Variants in TULP4 observed in about 807,000 individuals in gnomAD.
The protein encoded by TULP4 is TUB like protein 4, also known as tubby-related protein 4.
A neutral mutation model predicts 129.0 loss-of-function variants in TULP4; 16 were observed. The observed-to-expected ratio is 0.12, with a 90% CI of 0.08 to 0.19. The LOEUF (loss-of-function observed/expected upper bound fraction) is 0.19. Among genes scored for constraint, TULP4 ranks in the 10% least tolerant of loss-of-function variants. The pLI, the probability that TULP4 is intolerant of heterozygous loss-of-function variation, is 1.00. For missense variants in TULP4, 1,842 were observed against 2,059.1 expected (o/e 0.89, Z 2.04); for synonymous variants, 998 against 854.0 (o/e 1.17, Z -2.94).
chr6:158,267,330 A>G (rs1778464001), intron 1 of TULP4, among the ~76,000 whole-genome samples: 1 of 152,236 alleles, frequency 6.6e-6, no homozygotes, highest in South Asian at 2.1e-4. Flanking sequence ...ATACTAGAAG[A>G]TGCAATTTTT....
At chr6:158,393,050 G>A (rs186898288) in intron 1 of TULP4, among the ~76,000 whole-genome samples, 1 of 151,780 alleles carries the variant, frequency 6.6e-6, no homozygotes, top group East Asian at 1.9e-4. Context: ...TACATTTATT[G>A]GGTAAATGCT....
chr6:158,449,261 A>G, intron 4 of TULP4, 85 bp downstream of exon 4: 2 of 1,396,928 alleles, frequency 1.4e-6, no homozygotes, highest in Non-Finnish European at 1.9e-6. Flanking sequence ...TGGAGGAGGG[A>G]GGGTGAAGGG....
At chr6:158,314,639 CAA>C (rs1779447210) in intron 1 of TULP4, among the ~76,000 whole-genome samples, 1 of 152,290 alleles carries the variant, frequency 6.6e-6, no homozygotes, top group African/African-American at 2.4e-5. Flanking sequence ...GTCTACATGG[CAA>C]AGAGTTACCC....
rs1394328232 is a variant in TULP4 at position 158,466,711 on chromosome 6, G to A, written c.1026+4982G>A. Among the ~76,000 whole-genome samples, 9 of 152,302 alleles carry A rather than the reference G, an allele frequency of 5.9e-5. 2 individuals carry two copies. The South Asian group carries it at 1.7e-3, about 28-fold the overall frequency. On this transcript the variant is annotated intron_variant, in intron 6 of 13. Transcript: ENST00000367097. ...CTCTGAGTGCTTGTGTTTCAGGGCTGAACAAGGAAGACATGATCCATATCT... is the reference window on the plus strand; with the variant it reads ...CTCTGAGTGCTTGTGTTTCAGGGCTAAACAAGGAAGACATGATCCATATCT...
Position 158,482,060 on chromosome 6 carries a change from C to T in TULP4, c.1486+771C>T, listed in dbSNP as rs76717723. Among the ~76,000 whole-genome samples the T allele has an allele frequency of 5.2e-3, 795 of 152,332 alleles. 11 individuals carry two copies. The highest frequency in any genetic ancestry group is 0.018 in the African/African-American group (757 of 41,574). ...GCACGCTTAGTCATTGTGCTCCAGA[C>T]GCTGCCCCGCTGAATCCTGTGGGCC... is the stretch of plus-strand genomic sequence containing the variant. On this transcript the variant is annotated intron_variant, in intron 8 of 13. Transcript: ENST00000367097.
intron 1 of TULP4, among the ~76,000 whole-genome samples, chr6:158,402,746 G>C (rs1777882646): frequency 6.6e-6 from 1 of 152,180 alleles, no homozygotes; most frequent in Admixed American, 6.5e-5. Context: ...AGTTTAGAAA[G>C]TATACAGTGT....
chr6:158,373,789 A>G (rs572831762), intron 1 of TULP4, among the ~76,000 whole-genome samples: 1 of 152,156 alleles, frequency 6.6e-6, no homozygotes, highest in South Asian at 2.1e-4. Context: ...CCATGTTAAT[A>G]TATTCAGCAA....
At chr6:158,433,452 C>G (rs577270634) in intron 3 of TULP4, among the ~76,000 whole-genome samples, 1 of 152,206 alleles carries the variant, frequency 6.6e-6, no homozygotes, top group Non-Finnish European at 1.5e-5. Context: ...CAGTGGCTCA[C>G]GCCTGTAATC....
intron 6 of TULP4, among the ~76,000 whole-genome samples, chr6:158,474,527 T>C (rs1779771247): frequency 6.6e-6 from 1 of 152,224 alleles, no homozygotes; most frequent in Non-Finnish European, 1.5e-5. Flanking sequence ...CAGCCAGGCC[T>C]CTGCTCAAAC....
intron 1 of TULP4, among the ~76,000 whole-genome samples, chr6:158,388,625 G>A (rs527785882): frequency 2.7e-5 from 4 of 147,010 alleles, no homozygotes; most frequent in East Asian, 2.0e-4. Flanking sequence ...CACCGTGCCC[G>A]GCCTAATAAT....
intron 1 of TULP4, among the ~76,000 whole-genome samples, chr6:158,374,476 G>A (rs1473649389): frequency 1.3e-5 from 2 of 152,186 alleles, no homozygotes; most frequent in East Asian, 3.8e-4. Context: ...TCTCTCATGG[G>A]CGCTCTGCCG....
intron 2 of TULP4, among the ~76,000 whole-genome samples, chr6:158,416,649 AACC>A (rs1298333730): frequency 1.3e-5 from 2 of 152,194 alleles, no homozygotes; most frequent in East Asian, 3.8e-4. Context: ...TTGAGGAAAG[AACC>A]ATTTTTTTAA....
At chr6:158,262,216 A>ACAC (rs1778366091) in intron 1 of TULP4, among the ~76,000 whole-genome samples, 1 of 152,144 alleles carries the variant, frequency 6.6e-6, no homozygotes, top group Non-Finnish European at 1.5e-5. Context: ...GCTGTCACAA[A>ACAC]CACCACACCA....
At chr6:158,386,301 G>C (rs1454187490) in intron 1 of TULP4, among the ~76,000 whole-genome samples, 2 of 151,914 alleles carry the variant, frequency 1.3e-5, no homozygotes, top group Non-Finnish European at 2.9e-5. Context: ...TTCTGAATTA[G>C]AATAATAAAT....
intron 12 of TULP4, 145 bp downstream of exon 12, chr6:158,498,957 T>G (rs961850897): frequency 1.0e-5 from 11 of 1,048,648 alleles, no homozygotes; most frequent in Non-Finnish European, 1.4e-5. Context: ...TTGGTAGATG[T>G]GATGTTGTGT....
At position 158,508,603 on chromosome 6, in the gene TULP4, ATAT is replaced by A. The variant is rs1229500597; in HGVS notation, c.*1910_*1912del. ...CAATGTTATCAGAATTAATTCTTTT[ATAT>A]GAGTTTATGTAGCTTGATATGGTGT... On this transcript the variant is annotated 3_prime_UTR_variant, in exon 14 of 14. Coordinates refer to ENST00000367097, the MANE Select transcript of TULP4 (RefSeq NM_020245.5). 1 of 152,616 alleles carries A rather than the reference ATAT, an allele frequency of 6.6e-6. No individual in the cohort carries two copies. The highest frequency in any genetic ancestry group is 1.5e-5 in the Non-Finnish European group (1 of 68,040). The allele number at this position is 152,616 out of a possible 1,614,324, so 9.5% of individuals were successfully genotyped here. A position where few individuals can be genotyped will look rare whatever the true frequency, so the allele number is the denominator to read the frequency against.
rs535513610 is a variant in TULP4, at chr6:158,498,878, G to C, written c.2014+66G>C. 5.8e-5 allele frequency: 91 copies of C among 1,582,150 alleles called. No individual in the cohort carries two copies. The African/African-American group carries it at 1.2e-3, about 20-fold the overall frequency. On this transcript the variant is annotated intron_variant, in intron 12 of 13. Transcript: ENST00000367097. ...GTCAGTAGATCATGCAAGGGGGACA[G>C]AGCGGCAAGTTGTTGAGGATTTCAG...
intron 11 of TULP4, 21 bp from the exon 12 acceptor site, chr6:158,498,648 G>T: frequency 6.2e-7 from 1 of 1,614,012 alleles, no homozygotes; most frequent in South Asian, 1.1e-5. Flanking sequence ...TGTTAACTGT[G>T]CCCTTCTTTT....
At chr6:158,344,161 C>A (rs1022227632) in intron 1 of TULP4, among the ~76,000 whole-genome samples, 3 of 152,140 alleles carry the variant, frequency 2.0e-5, no homozygotes, top group African/African-American at 7.2e-5. Flanking sequence ...TGAGATCCAC[C>A]CCCTGCCCGC....
Sources: gnomAD v4.1 joint callset for allele counts (sites outside exome capture counted in the v4.1 genomes callset) on GRCh38, gnomAD v4.1.1 for gene constraint, MANE v1.5 for transcripts, NCBI Gene and HGNC (gene_info 2026-07-23, HGNC 2026-07-21) for gene names.